RTEL1: variants seen among roughly 807,000 people sequenced by gnomAD.
RTEL1 encodes the protein regulator of telomere length.
Under a neutral mutation model 162.2 loss-of-function variants are expected in RTEL1, and 86 were observed. That is an observed-to-expected ratio of 0.53 (90% CI 0.45 to 0.63). The LOEUF is 0.63. Among genes scored for constraint, RTEL1 ranks in the 30% least tolerant of loss-of-function variants. The pLI is 0.00. For synonymous variants in RTEL1, 958 were observed against 717.9 expected (o/e 1.33, Z -5.35); for missense variants, 1,941 against 1,750.2 (o/e 1.11, Z -1.95).
chr20:63,672,426 G>C (rs2090262408), intron 8 of RTEL1, 130 bp from the exon 9 acceptor site: 9 of 750,230 alleles, frequency 1.2e-5, no homozygotes, highest in Admixed American at 2.0e-5. Context: ...TCTGGCCTCT[G>C]CTCTCGACAT....
At chr20:63,671,719 C>T (rs558110290) in intron 8 of RTEL1, among the ~76,000 whole-genome samples, 179 of 151,268 alleles carry the variant, frequency 1.2e-3, no homozygotes, top group African/African-American at 3.9e-3. Flanking sequence ...TCTCGATCTC[C>T]TGACCTCGTG....
Position 63,693,343 on chromosome 20 carries a change from G to T in RTEL1, c.2992+60G>T, listed in dbSNP as rs576611323. The T allele has an allele frequency of 7.2e-4, 1,150 of 1,594,010 alleles. 2 individuals are homozygous for T. Among genetic ancestry groups the T allele is most frequent in the South Asian group, 1.3e-3 (116 of 90,652 alleles). ...TGCGTGGAAGGCAGTGTGGGCCAGA[G>T]TCCTGGGCTGCTTGGGGTGGGCATC... On this transcript the variant is annotated intron_variant, in intron 30 of 34. Transcript: ENST00000360203.
chr20:63,682,976 T>G (rs2146227743), intron 14 of RTEL1, among the ~76,000 whole-genome samples: 1 of 152,182 alleles, frequency 6.6e-6, no homozygotes, highest in East Asian at 1.9e-4. Context: ...GTGGTGGTGT[T>G]TTTTTGAGAA....
At position 63,661,027 on chromosome 20, in the gene RTEL1, C is replaced by T. The variant is rs1601082152; in HGVS notation, c.103-271C>T. ...TGAGACTTGACACCTAATTAGTCAT[C>T]TTACTATTTAAGCTGAAAAATAGTG... is the stretch of plus-strand genomic sequence containing the variant. On this transcript the variant is annotated intron_variant, in intron 2 of 34. Transcript: ENST00000360203. The surrounding 1 kb of genome is among the most constrained non-coding windows in gnomAD (Gnocchi z 5.1). 1.3e-5 allele frequency among the ~76,000 whole-genome samples: 2 copies of T among 152,272 alleles called. No individual in the cohort carries two copies. The highest frequency in any genetic ancestry group is 4.8e-5 in the African/African-American group (2 of 41,478).
intron 10 of RTEL1, among the ~76,000 whole-genome samples, chr20:63,676,644 G>A (rs1277991048): frequency 6.6e-6 from 1 of 152,150 alleles, no homozygotes; most frequent in Non-Finnish European, 1.5e-5. Flanking sequence ...TGGGACAAAT[G>A]CTGGGGGTGG....
chr20:63,681,049 C>G (rs1569097886), intron 14 of RTEL1: 3 of 985,416 alleles, frequency 3.0e-6, no homozygotes, highest in Non-Finnish European at 3.6e-6. Flanking sequence ...GCCCCAGCAG[C>G]CCCAGCTGCA....
rs759760316 is a variant in RTEL1 at position 63,693,240 on chromosome 20, C to T, written c.2949C>T (p.Ser983=). 6.8e-6 allele frequency: 11 copies of T among 1,611,924 alleles called. No individual in the cohort carries two copies. Among genetic ancestry groups the T allele is most frequent in the Non-Finnish European group, 9.3e-6 (11 of 1,179,480 alleles). ...GRGCGYRPEH[S]IPRRQRAQPV... ...GCTGTGGCTATCGGCCTGAGCACAG[C>T]ATTCCCCGAAGGCAGCGGGCACAGC... is the stretch of plus-strand genomic sequence containing the variant. Residue 983 remains serine, a synonymous_variant, in exon 30 of 35, where the codon AGC becomes AGT. Coordinates refer to ENST00000360203, the MANE Select transcript of RTEL1 (RefSeq NM_001283009.2).
chr20:63,688,823 G>C (rs1366068029), intron 21 of RTEL1: 2 of 635,130 alleles, frequency 3.1e-6, no homozygotes, highest in African/African-American at 1.8e-5. Flanking sequence ...CCTCCTGTCT[G>C]AGTAGCCCTA....
intron 7 of RTEL1, 144 bp downstream of exon 7, chr20:63,666,223 T>G (rs559595759): frequency 1.4e-6 from 1 of 701,078 alleles, no homozygotes; most frequent in South Asian, 1.9e-5. Context: ...CGAAAAAGTT[T>G]AAGCAGCTCT....
rs901129251 is a variant in RTEL1 at position 63,678,176 on chromosome 20, G to C, written c.951G>C (p.Lys317Asn). 1 of 1,613,866 alleles carries C rather than the reference G, an allele frequency of 6.2e-7. No individual in the cohort carries two copies. Among genetic ancestry groups the C allele is most frequent in the Non-Finnish European group, 8.5e-7 (1 of 1,179,838 alleles). Residue 317 changes from lysine to asparagine, a missense_variant, in exon 11 of 35, where the codon AAG (lysine) becomes AAC (asparagine). Physicochemically the swap from Lys to Asn is moderately conservative, Grantham distance 94 (BLOSUM62 0). Coordinates refer to ENST00000360203, the MANE Select transcript of RTEL1 (RefSeq NM_001283009.2). Reference sequence around the variant, plus strand: ...ACATGGAGCTGGAAGACATTGCAAAGCTGAAGAGTAAGTGTTGCCCTCCCC... The same window carrying C: ...ACATGGAGCTGGAAGACATTGCAAACCTGAAGAGTAAGTGTTGCCCTCCCC... ...GLNMELEDIA[K>N]LKMILLRLEG...
rs757075776 is a variant in RTEL1 at position 63,689,093 on chromosome 20, G to T, written c.1839G>T (p.Gly613=). The part of the protein sequence containing the change: ...SAYYARVAAP[G]STGATFLAVC... ...ACTATGCAAGGGTTGCCGCCCCTGG[G>T]TCCACCGGCGCCACCTTCCTGGCGG... The change falls in exon 22 of 35, where the codon GGG becomes GGT. Residue 613 remains glycine (G), a synonymous_variant. Coordinates refer to ENST00000360203, the MANE Select transcript of RTEL1 (RefSeq NM_001283009.2). 6.2e-7 allele frequency: 1 copy of T among 1,610,666 alleles called. No individual in the cohort carries two copies. The highest frequency in any genetic ancestry group is 8.5e-7 in the Non-Finnish European group (1 of 1,179,886).
intron 22 of RTEL1, 23 bp from the exon 23 acceptor site, chr20:63,689,479 C>T (rs1170037717): frequency 2.0e-6 from 3 of 1,536,124 alleles, no homozygotes; most frequent in Non-Finnish European, 2.6e-6. Flanking sequence ...CGGCCCCAGG[C>T]AGCTCCCTGG....
intron 28 of RTEL1, chr20:63,692,198 G>GTTT (rs2090763243): frequency 4.2e-6 from 1 of 236,742 alleles, no homozygotes; most frequent in African/African-American, 2.3e-5. Context: ...GAGCCAGGAA[G>GTTT]CCCCCTGCCT....
At chr20:63,675,223 A>G (rs138044582) in intron 10 of RTEL1, among the ~76,000 whole-genome samples, 2 of 152,170 alleles carry the variant, frequency 1.3e-5, no homozygotes, top group South Asian at 2.1e-4. Flanking sequence ...TATTTTCTAC[A>G]TGGCTTCTGT....
chr20:63,661,419 G>C lies in RTEL1; in HGVS notation c.224G>C (p.Arg75Thr). The C allele has an allele frequency of 6.2e-7, 1 of 1,613,916 alleles. No individual in the cohort carries two copies. The highest frequency in any genetic ancestry group is 8.5e-7 in the Non-Finnish European group (1 of 1,180,020). The change falls in exon 3 of 35, where the codon AGG becomes ACG. Residue 75 changes from arginine (R) to threonine (T), a missense_variant. Physicochemically the swap from Arg to Thr is moderately conservative, Grantham distance 71 (BLOSUM62 -1). Transcript: ENST00000360203. This position sits in a 1 kb window ranked among gnomAD's most constrained non-coding sequence, Gnocchi z 5.1. ...DGISARKIAE[R>T]AQGELFPDRA... The stretch of plus-strand genomic sequence containing the variant: ...ATCTCTGCCCGCAAGATTGCCGAGA[G>C]GGCGCAAGGAGAGCTTTTCCCGGAT...
rs1222153789 is a variant in RTEL1, at chr20:63,661,280, G to GCTCCGAA, written c.103-12_103-6dup. On this transcript the variant is annotated splice_polypyrimidine_tract_variant and intron_variant, in intron 2 of 34. Coordinates refer to ENST00000360203, the MANE Select transcript of RTEL1 (RefSeq NM_001283009.2). The surrounding 1 kb of genome is among the most constrained non-coding windows in gnomAD (Gnocchi z 5.1). ...TCTTCCTGGCTTCCCCGTAACCCTT[G>GCTCCGAA]CTCCGAACTCCGTTCAGAAGGTGAA... 2 of 1,608,702 alleles carry GCTCCGAA rather than the reference G, an allele frequency of 1.2e-6. No homozygotes were observed. The highest frequency in any genetic ancestry group is 1.7e-6 in the Non-Finnish European group (2 of 1,177,774).
At chr20:63,676,313 G>A (rs977657888) in intron 10 of RTEL1, among the ~76,000 whole-genome samples, 5 of 152,044 alleles carry the variant, frequency 3.3e-5, no homozygotes, top group Non-Finnish European at 7.4e-5. Context: ...CTGCAGAGTC[G>A]GAATCTGTAC....
In RTEL1 at chr20:63,661,292, G is replaced by T; in HGVS notation, c.103-6G>T. ...CCCCGTAACCCTTGCTCCGAACTCC[G>T]TTCAGAAGGTGAATGGCATCCTGGA... On this transcript the variant is annotated splice_region_variant and splice_polypyrimidine_tract_variant and intron_variant, in intron 2 of 34. Coordinates refer to ENST00000360203, the MANE Select transcript of RTEL1 (RefSeq NM_001283009.2). This position sits in a 1 kb window ranked among gnomAD's most constrained non-coding sequence, Gnocchi z 5.1. 1 of 1,611,464 alleles carries T rather than the reference G, an allele frequency of 6.2e-7. No homozygotes were observed. The highest frequency in any genetic ancestry group is 8.5e-7 in the Non-Finnish European group (1 of 1,179,752).
rs1218661831 is a variant in RTEL1, at chr20:63,666,149, C to G, written c.614+70C>G. On this transcript the variant is annotated intron_variant, in intron 7 of 34. Coordinates refer to ENST00000360203, the MANE Select transcript of RTEL1 (RefSeq NM_001283009.2). Reference sequence around the variant, plus strand: ...CAGCTCTCCTGTGACCTGTGGAGGCCCGGATATATTTCTTCACTTTTCTTT... The same window carrying G: ...CAGCTCTCCTGTGACCTGTGGAGGCGCGGATATATTTCTTCACTTTTCTTT... The G allele has an allele frequency of 5.9e-6, 7 of 1,185,850 alleles. No individual in the cohort carries two copies. In the East Asian group the frequency reaches 1.7e-4, roughly 28 times the overall value. 73.5% of individuals were successfully genotyped at this position (1,185,850 alleles called of 1,614,324 possible). A position where few individuals can be genotyped will look rare whatever the true frequency, so the allele number is the denominator to read the frequency against.
Sources: gnomAD v4.1 joint callset for allele counts (sites outside exome capture counted in the v4.1 genomes callset) on GRCh38, gnomAD v4.1.1 for gene constraint, Gnocchi (gnomAD v3.1) non-coding constraint, MANE v1.5 for transcripts, NCBI Gene and HGNC (gene_info 2026-07-23, HGNC 2026-07-21) for gene names.